The following HIF3A variants were observed in gnomAD, a reference collection of about 807,000 sequenced individuals.
HIF3A encodes the protein hypoxia-inducible factor 3-alpha.
HIF3A carries 41 observed loss-of-function variants against 67.2 expected under a neutral mutation model. The ratio of observed to expected loss-of-function variants is 0.61; its 90% confidence interval spans 0.48 to 0.79. The LOEUF (loss-of-function observed/expected upper bound fraction) is 0.79. Ranked by LOEUF, HIF3A falls within the 30% of genes least tolerant of loss-of-function variation. The probability of loss-of-function intolerance (pLI) is 0.00; values close to 1 mark genes in which losing one functional copy is unlikely to be tolerated. For missense variants in HIF3A, 855 were observed against 898.0 expected, an observed-to-expected ratio of 0.95 and a Z score of 0.61; for synonymous variants, 356 against 374.8, an observed-to-expected ratio of 0.95 and a Z score of 0.58.
In HIF3A at chr19:46,308,206, T is replaced by G; in HGVS notation, c.364-15T>G. 3 of 1,593,102 alleles carry G rather than the reference T, an allele frequency of 1.9e-6. No individual in the cohort carries two copies. The highest frequency in any genetic ancestry group is 2.6e-6 in the Non-Finnish European group (3 of 1,161,052). On this transcript the variant is annotated splice_polypyrimidine_tract_variant and intron_variant, in intron 3 of 14. Transcript: ENST00000377670. ...AGAAGCCCTGGTAGACCCCCACCCCTCTCATCCCTGGCAGCTGGAGCTCAT... is the reference window on the plus strand; with the variant it reads ...AGAAGCCCTGGTAGACCCCCACCCCGCTCATCCCTGGCAGCTGGAGCTCAT...
At chr19:46,330,881 G>A (rs1469612578) in intron 12 of HIF3A, among the ~76,000 whole-genome samples, 1 of 151,856 alleles carries the variant, frequency 6.6e-6, no homozygotes, top group Non-Finnish European at 1.5e-5. Context: ...GTGGATGGCT[G>A]GGTGGAAGGA....
In HIF3A at chr19:46,315,065, T is replaced by C. The variant is rs193036914; in HGVS notation, c.1025+2412T>C. ...ATTCCTCCATGTTGTGGTTTTTCTT[T>C]CTTGGTTTTTTTGTTTTGTTTTTGA... On this transcript the variant is annotated intron_variant, in intron 8 of 14. Transcript: ENST00000377670. 1.5e-4 allele frequency among the ~76,000 whole-genome samples: 15 copies of C among 100,600 alleles called. 5 individuals carry two copies. In the East Asian group the frequency reaches 5.7e-3, roughly 39 times the overall value. The allele number at this position is 100,600 out of a possible 152,430, so 66.0% of individuals were successfully genotyped here.
At chr19:46,323,745 C>T (rs531200606) in intron 10 of HIF3A, among the ~76,000 whole-genome samples, 3 of 152,112 alleles carry the variant, frequency 2.0e-5, no homozygotes, top group African/African-American at 2.4e-5. Context: ...ACAATCATGG[C>T]GGAAGGTGAA....
chr19:46,315,684 A>G (rs1212724341), intron 8 of HIF3A, among the ~76,000 whole-genome samples: 1 of 149,928 alleles, frequency 6.7e-6, no homozygotes, highest in Admixed American at 6.6e-5. Flanking sequence ...GAGGCCGAGG[A>G]GGGCAGATCA....
chr19:46,320,266 A>T, intron 8 of HIF3A, 177 bp from the exon 9 acceptor site: 1 of 567,744 alleles, frequency 1.8e-6, no homozygotes, highest in South Asian at 2.5e-5. Context: ...AAAGCAGTCA[A>T]CAGAAATGAA....
In HIF3A at chr19:46,338,473, G is replaced by A. The variant is rs143691080; in HGVS notation, c.1913-1052G>A. 103 of 1,127,906 alleles carry A rather than the reference G, an allele frequency of 9.1e-5. No homozygotes were observed. The African/African-American group carries it at 1.7e-3, about 18-fold the overall frequency. The allele number at this position is 1,127,906 out of a possible 1,614,324, so 69.9% of individuals were successfully genotyped here. A position where few individuals can be genotyped will look rare whatever the true frequency, so the allele number is the denominator to read the frequency against. On this transcript the variant is annotated intron_variant, in intron 14 of 14. Transcript: ENST00000377670. ...CTGCCTTGGCCTCCCAAAGTGCTGGGATTACTGGTATGAACCACCACGCCC... is the reference window on the plus strand; with the variant it reads ...CTGCCTTGGCCTCCCAAAGTGCTGGAATTACTGGTATGAACCACCACGCCC...
rs1315558818 is a variant in HIF3A, at chr19:46,305,251, G to A, written c.224G>A (p.Trp75Ter). 3 of 1,613,884 alleles carry A rather than the reference G, an allele frequency of 1.9e-6. No homozygotes were observed. Among genetic ancestry groups the A allele is most frequent in the South Asian group, 2.2e-5 (2 of 91,088 alleles). The change falls in exon 3 of 15, where the codon TGG becomes TAG. Residue 75 changes from tryptophan to a stop codon, truncating the protein, a stop_gained. Transcript: ENST00000377670. LOFTEE classifies it high-confidence loss of function. ...CCCCTGCCCCGGGCACCAGGGGAGTGGAACCAGGTGGGAGCAGGGGGAGAA... is the reference window on the plus strand; with the variant it reads ...CCCCTGCCCCGGGCACCAGGGGAGTAGAACCAGGTGGGAGCAGGGGGAGAA... The part of the protein sequence containing the change: ...RMHRLCAAGE[W>*]NQVGAGGEPL...
At chr19:46,313,403 G>C in intron 8 of HIF3A, 1 of 710,274 alleles carries the variant, frequency 1.4e-6, no homozygotes, top group African/African-American at 2.1e-5. Context: ...GAGGAGGATT[G>C]CTAGAGCCTG....
chr19:46,316,996 G>A (rs1413946971), intron 8 of HIF3A, among the ~76,000 whole-genome samples: 1 of 152,058 alleles, frequency 6.6e-6, no homozygotes, highest in Non-Finnish European at 1.5e-5. Context: ...AGGCTGGAGA[G>A]CCGTGGCACA....
intron 9 of HIF3A, 59 bp from the exon 10 acceptor site, chr19:46,321,717 T>C: frequency 6.7e-7 from 1 of 1,484,788 alleles, no homozygotes; most frequent in Middle Eastern, 2.0e-4. Context: ...TATGGAGGGC[T>C]CTGGCCCTTG....
chr19:46,307,995 C>CAGATAGATAGATAGATAGAT, intron 3 of HIF3A, among the ~76,000 whole-genome samples: 1 of 26,930 alleles, frequency 3.7e-5, no homozygotes, highest in South Asian at 1.1e-3. Context: ...GACAGACAGA[C>CAGATAGATAGATAGATAGAT]AGACAGATAG....
intron 13 of HIF3A, among the ~76,000 whole-genome samples, chr19:46,331,751 A>G (rs1327497367): frequency 6.7e-6 from 1 of 149,618 alleles, no homozygotes; most frequent in Non-Finnish European, 1.5e-5. Context: ...GCTACTCAGG[A>G]GGCTGAGGCA....
chr19:46,313,237 C>T (rs1035209577), intron 8 of HIF3A: 14 of 876,392 alleles, frequency 1.6e-5, no homozygotes, highest in Admixed American at 1.8e-4. Flanking sequence ...GGCAACAGAG[C>T]GAGACTCTGT....
intron 1 of HIF3A, chr19:46,298,491 C>T (rs1968047016): frequency 1.6e-6 from 2 of 1,285,014 alleles, no homozygotes; most frequent in African/African-American, 1.5e-5. Context: ...GATGGCCCTT[C>T]AGCCAACGGG....
At chr19:46,311,856 G>A (rs547493897) in intron 6 of HIF3A, among the ~76,000 whole-genome samples, 1 of 152,234 alleles carries the variant, frequency 6.6e-6, no homozygotes, top group African/African-American at 2.4e-5. Flanking sequence ...GCGAGAGCCT[G>A]CCTCAAAAAA....
intron 8 of HIF3A, among the ~76,000 whole-genome samples, chr19:46,317,747 T>C (rs763070640): frequency 3.3e-5 from 5 of 152,158 alleles, no homozygotes; most frequent in Non-Finnish European, 5.9e-5. Flanking sequence ...TATTAACTTG[T>C]GTGTTCAGCC....
Position 46,321,962 on chromosome 19 carries a change from T to C in HIF3A, c.1331T>C (p.Leu444Pro). ...GCCACACGGCACCCCCAAAGTCCTC[T>C]TTCGGTAAGCCATCCCACCCATGTG... ...PLATRHPQSP[L>P]SADLPDELPV... The change falls in exon 10 of 15, where the codon CTT (leucine) becomes CCT (proline). Residue 444 changes from leucine to proline, a missense_variant. Transcript: ENST00000377670. The C allele has an allele frequency of 6.2e-7, 1 of 1,613,628 alleles. No homozygotes were observed. The highest frequency in any genetic ancestry group is 1.1e-5 in the South Asian group (1 of 91,024).
intron 8 of HIF3A, 21 bp from the exon 9 acceptor site, chr19:46,320,422 C>G: frequency 6.3e-7 from 1 of 1,591,460 alleles, no homozygotes; most frequent in Non-Finnish European, 8.6e-7. Context: ...CTCCCACCTC[C>G]CTTTCTGCCT....
At position 46,297,743 on chromosome 19, in the gene HIF3A, T is replaced by A. The variant is rs1967972411; in HGVS notation, c.26+641T>A. Among the ~76,000 whole-genome samples the A allele has an allele frequency of 6.6e-6, 1 of 152,138 alleles. No individual in the cohort carries two copies. The highest frequency in any genetic ancestry group is 1.9e-4 in the East Asian group (1 of 5,162). On this transcript the variant is annotated intron_variant, in intron 1 of 14. Transcript: ENST00000377670. The surrounding 1 kb of genome is among the most constrained non-coding windows in gnomAD (Gnocchi z 4.5). ...GACCCTTCCCAAGAGACTTTTTGTA[T>A]CCTTTCAAAAGCCAGAGTCACCCCC...
Sources: allele counts gnomAD v4.1 joint callset (sites outside exome capture counted in the v4.1 genomes callset), GRCh38; gene constraint gnomAD v4.1.1; non-coding constraint Gnocchi (gnomAD v3.1); transcripts MANE v1.5; gene names NCBI Gene and HGNC (gene_info 2026-07-23, HGNC 2026-07-21).